Variants in BAZ2B observed in about 807,000 individuals in gnomAD.
BAZ2B encodes the protein bromodomain adjacent to zinc finger domain 2B.
In BAZ2B, 91 loss-of-function variants were observed where a neutral mutation model predicts 246.0. The ratio of observed to expected loss-of-function variants is 0.37; its 90% CI spans 0.31 to 0.44. BAZ2B has a LOEUF of 0.44. Ranked by LOEUF, BAZ2B falls within the 20% of genes least tolerant of loss-of-function variation. BAZ2B has a pLI of 1.00. For missense variants in BAZ2B, 2,332 were observed against 2,533.7 expected, an observed-to-expected ratio of 0.92 and a Z score of 1.71; for synonymous variants, 855 against 860.0, an observed-to-expected ratio of 0.99 and a Z score of 0.10.
the BAZ2B span, among the ~76,000 whole-genome samples, chr2:159,711,727 T>C: frequency 2.0e-5 from 3 of 152,210 alleles, no homozygotes; most frequent in East Asian, 3.8e-4. Context: ...TTAGTACTCA[T>C]TTACATCTTA....
At chr2:159,706,174 T>C in the BAZ2B span, among the ~76,000 whole-genome samples, 2 of 151,736 alleles carry the variant, frequency 1.3e-5, no homozygotes, top group African/African-American at 4.8e-5. Flanking sequence ...TTGGTCAACA[T>C]GAGCTGCAAA....
intron 31 of BAZ2B, among the ~76,000 whole-genome samples, chr2:159,342,592 G>A (rs1445005901): frequency 6.6e-6 from 1 of 152,068 alleles, no homozygotes; most frequent in African/African-American, 2.4e-5. Flanking sequence ...GGCCTCAGCA[G>A]CATTTTGATA....
At chr2:159,397,723 C>T (rs770712422) in intron 18 of BAZ2B, among the ~76,000 whole-genome samples, 6 of 152,094 alleles carry the variant, frequency 3.9e-5, no homozygotes, top group Non-Finnish European at 7.4e-5. Context: ...ATGGTCAGAG[C>T]CTATCAGATA....
chr2:159,337,909 T>C (rs1392927399), intron 31 of BAZ2B, 137 bp from the exon 32 acceptor site: 1 of 765,120 alleles, frequency 1.3e-6, no homozygotes, highest in Non-Finnish European at 1.9e-6. Context: ...TTGTGTTTCC[T>C]AAAACTAGGT....
intron 34 of BAZ2B, 98 bp downstream of exon 34, chr2:159,332,442 A>C: frequency 8.1e-7 from 1 of 1,228,874 alleles, no homozygotes; most frequent in Non-Finnish European, 1.1e-6. Context: ...GGCTATGATC[A>C]TACCACTGCA....
chr2:159,324,060 A>C (rs1386947835), intron 36 of BAZ2B, among the ~76,000 whole-genome samples: 1 of 152,216 alleles, frequency 6.6e-6, no homozygotes, highest in Non-Finnish European at 1.5e-5. Flanking sequence ...GATCATTATA[A>C]GTTCTATTTA....
At chr2:159,324,753 T>C (rs1253447442) in intron 36 of BAZ2B, 58 bp downstream of exon 36, 2 of 1,256,846 alleles carry the variant, frequency 1.6e-6, no homozygotes, top group African/African-American at 1.6e-5. Context: ...ACTAAAAATA[T>C]GCCTAGCATA....
chr2:159,448,016 T>C (rs1348663710), intron 5 of BAZ2B, among the ~76,000 whole-genome samples: 1 of 151,938 alleles, frequency 6.6e-6, no homozygotes, highest in Non-Finnish European at 1.5e-5. Context: ...CTGTAGTCCT[T>C]GGGAGGCTGA....
chr2:159,517,310 T>C (rs1237883723), intron 2 of BAZ2B, among the ~76,000 whole-genome samples: 1 of 152,028 alleles, frequency 6.6e-6, no homozygotes, highest in Non-Finnish European at 1.5e-5. Flanking sequence ...ATAGTTTTTT[T>C]TTTCCCCCCA....
chr2:159,467,467 G>A (rs1273690921), intron 3 of BAZ2B, among the ~76,000 whole-genome samples: 1 of 152,126 alleles, frequency 6.6e-6, no homozygotes, highest in Non-Finnish European at 1.5e-5. Flanking sequence ...CAGTGCAAGG[G>A]GAGGTATTTT....
intron 2 of BAZ2B, among the ~76,000 whole-genome samples, chr2:159,495,925 G>A (rs2081065796): frequency 3.3e-5 from 5 of 150,788 alleles, no homozygotes; most frequent in Admixed American, 2.6e-4. Flanking sequence ...GCATCATCCC[G>A]CCCAGCCAAT....
At chr2:159,391,413 T>C (rs2063318475) in intron 20 of BAZ2B, among the ~76,000 whole-genome samples, 1 of 152,178 alleles carries the variant, frequency 6.6e-6, no homozygotes, top group Non-Finnish European at 1.5e-5. Flanking sequence ...TTGTCATCGT[T>C]AAGTGACACA....
At chr2:159,365,594 C>A (rs1043014857) in intron 27 of BAZ2B, among the ~76,000 whole-genome samples, 3 of 152,216 alleles carry the variant, frequency 2.0e-5, no homozygotes, top group Non-Finnish European at 4.4e-5. Context: ...GCTACACCTA[C>A]AGAAGGGCAA....
At chr2:159,571,718 A>C (rs1684052581) in intron 1 of BAZ2B, among the ~76,000 whole-genome samples, 1 of 152,194 alleles carries the variant, frequency 6.6e-6, no homozygotes, top group Admixed American at 6.5e-5. Flanking sequence ...ACAGTTCTGG[A>C]GGCTGGGAAG....
chr2:159,529,109 T>C (rs140416809), intron 2 of BAZ2B, among the ~76,000 whole-genome samples: 4,024 of 152,062 alleles, frequency 0.026, 183 homozygotes, highest in African/African-American at 0.092. Flanking sequence ...ACTTAAAGTA[T>C]AATAAGTAAA....
chr2:159,342,985 T>C (rs1439751575), intron 31 of BAZ2B, among the ~76,000 whole-genome samples: 1 of 152,182 alleles, frequency 6.6e-6, no homozygotes, highest in Admixed American at 6.5e-5. Context: ...AGAACAAAGC[T>C]GGAGGTATCA....
chr2:159,329,136 G>GAAAAAAAAAAAAAAA (rs567964390), intron 34 of BAZ2B, among the ~76,000 whole-genome samples: 1 of 73,488 alleles, frequency 1.4e-5, no homozygotes, highest in African/African-American at 4.4e-5. Flanking sequence ...GTCTTAATAG[G>GAAAAAAAAAAAAAAA]AAAAAAAAAA....
At chr2:159,617,474 T>G (rs1366643043), upstream of BAZ2B, among the ~76,000 whole-genome samples, 1 of 113,946 alleles carries the variant, frequency 8.8e-6, no homozygotes, top group Non-Finnish European at 1.9e-5. Flanking sequence ...AGATACGTAT[T>G]TTTTTTTTTA....
At chr2:159,530,882 A>C (rs912533509) in intron 2 of BAZ2B, among the ~76,000 whole-genome samples, 1 of 152,164 alleles carries the variant, frequency 6.6e-6, no homozygotes, top group East Asian at 1.9e-4. Flanking sequence ...AGGCAGGAGA[A>C]TCACTTGAAC....
Sources: gnomAD v4.1 joint callset for allele counts (sites outside exome capture counted in the v4.1 genomes callset) on GRCh38, gnomAD v4.1.1 for gene constraint, MANE v1.5 for transcripts, NCBI Gene and HGNC (gene_info 2026-07-23, HGNC 2026-07-21) for gene names.